LIMD1: variants seen among roughly 807,000 people sequenced by gnomAD.
LIMD1 encodes the protein LIM domain containing 1, also known as LIM domain-containing protein 1.
LIMD1 carries 23 observed loss-of-function variants against 58.4 expected under a neutral mutation model. That is an observed-to-expected ratio of 0.39 (90% CI 0.28 to 0.56). The LOEUF (loss-of-function observed/expected upper bound fraction) is 0.56, where lower values mean the gene tolerates loss of function less well. LIMD1 is among the 20% of genes least tolerant of loss of function. LIMD1 has a pLI of 0.57. For missense variants in LIMD1, 838 were observed against 855.5 expected, an observed-to-expected ratio of 0.98 and a Z score of 0.25; for synonymous variants, 334 against 345.5, an observed-to-expected ratio of 0.97 and a Z score of 0.37.
chr3:45,600,536 CCT>C (rs1396374438), intron 1 of LIMD1, among the ~76,000 whole-genome samples: 2 of 152,214 alleles, frequency 1.3e-5, no homozygotes, highest in African/African-American at 2.4e-5. Context: ...CTCCCCACCC[CCT>C]GTCCCCGTTG....
At chr3:45,622,285 T>C (rs531539936) in intron 1 of LIMD1, among the ~76,000 whole-genome samples, 6 of 152,164 alleles carry the variant, frequency 3.9e-5, no homozygotes, top group Non-Finnish European at 8.8e-5. Context: ...TTTTAAATTA[T>C]TTTCCTTAGG....
rs1458476406 is a variant in LIMD1, at chr3:45,594,866, C to A, written c.-14C>A. ...ACACGGCACCTGGGCTAGGCCCGGACACCTGTCTGCAGCATGGATAAGTAT... is the reference window on the plus strand; with the variant it reads ...ACACGGCACCTGGGCTAGGCCCGGAAACCTGTCTGCAGCATGGATAAGTAT... On this transcript the variant is annotated 5_prime_UTR_variant, in exon 1 of 8. Transcript: ENST00000273317. 1 of 1,590,458 alleles carries A rather than the reference C, an allele frequency of 6.3e-7. No individual in the cohort carries two copies. Among genetic ancestry groups the A allele is most frequent in the South Asian group, 1.1e-5 (1 of 87,908 alleles).
At chr3:45,642,424 G>T (rs1050453863) in intron 2 of LIMD1, among the ~76,000 whole-genome samples, 9 of 152,132 alleles carry the variant, frequency 5.9e-5, no homozygotes, top group Non-Finnish European at 1.0e-4. Flanking sequence ...CAGTCTGTCT[G>T]CCTTGGCGTC....
intron 1 of LIMD1, among the ~76,000 whole-genome samples, chr3:45,606,578 G>A (rs1031878792): frequency 6.6e-6 from 1 of 152,164 alleles, no homozygotes; most frequent in Non-Finnish European, 1.5e-5. Flanking sequence ...CCAGAGGCTC[G>A]GAGGCACATG....
At chr3:45,647,501 C>T (rs1428580724) in intron 2 of LIMD1, among the ~76,000 whole-genome samples, 1 of 152,182 alleles carries the variant, frequency 6.6e-6, no homozygotes, top group African/African-American at 2.4e-5. Context: ...CAGGCCCTTC[C>T]CTGTGTTCAG....
chr3:45,633,414 A>G (rs893022633), intron 1 of LIMD1, among the ~76,000 whole-genome samples: 6 of 152,326 alleles, frequency 3.9e-5, no homozygotes, highest in South Asian at 2.1e-4. Context: ...ACCCGGAAAA[A>G]AATAAGCCTA....
intron 1 of LIMD1, 74 bp from the exon 2 acceptor site, chr3:45,636,076 G>A: frequency 1.2e-6 from 2 of 1,602,930 alleles, no homozygotes; most frequent in Non-Finnish European, 1.7e-6. Flanking sequence ...ATTATGCTTT[G>A]TTCATTGGCT....
chr3:45,638,234 G>A (rs1701808836), intron 2 of LIMD1, among the ~76,000 whole-genome samples: 1 of 152,132 alleles, frequency 6.6e-6, no homozygotes, highest in African/African-American at 2.4e-5. Flanking sequence ...TTTGGCACAT[G>A]TTTGTGTTTT....
At chr3:45,618,112 C>T in intron 1 of LIMD1, among the ~76,000 whole-genome samples, 1 of 152,182 alleles carries the variant, frequency 6.6e-6, no homozygotes, top group East Asian at 1.9e-4. Context: ...CTCCAGTCAT[C>T]TCTGCCCCAC....
chr3:45,668,387 A>C (rs760788302), intron 4 of LIMD1, 31 bp downstream of exon 4: 16 of 1,540,326 alleles, frequency 1.0e-5, no homozygotes, highest in African/African-American at 1.4e-5. Flanking sequence ...AGAGAACAGC[A>C]TCTCAGGTGG....
At chr3:45,661,334 A>T (rs1697434611) in intron 2 of LIMD1, among the ~76,000 whole-genome samples, 1 of 152,196 alleles carries the variant, frequency 6.6e-6, no homozygotes, top group Admixed American at 6.5e-5. Flanking sequence ...GAGTGTGTTC[A>T]TAACTGTAAC....
At chr3:45,656,514 T>C (rs1166196924) in intron 2 of LIMD1, among the ~76,000 whole-genome samples, 5 of 151,616 alleles carry the variant, frequency 3.3e-5, no homozygotes, top group Non-Finnish European at 7.4e-5. Flanking sequence ...GTTTCCTTTT[T>C]CTTTTTCTTT....
chr3:45,616,114 A>G (rs1371522066), intron 1 of LIMD1, among the ~76,000 whole-genome samples: 1 of 151,890 alleles, frequency 6.6e-6, no homozygotes, highest in African/African-American at 2.4e-5. Flanking sequence ...TTTCTGGGAG[A>G]CTTGTGTCAC....
intron 2 of LIMD1, among the ~76,000 whole-genome samples, chr3:45,656,949 G>A (rs1697335559): frequency 6.6e-6 from 1 of 152,196 alleles, no homozygotes; most frequent in South Asian, 2.1e-4. Flanking sequence ...CCTGGCTGTG[G>A]TTTGGCACCA....
intron 1 of LIMD1, among the ~76,000 whole-genome samples, chr3:45,626,627 A>C (rs1423208213): frequency 6.6e-6 from 1 of 152,184 alleles, no homozygotes; most frequent in Admixed American, 6.5e-5. Flanking sequence ...TAGGGCAGTG[A>C]AATTAGTCTG....
At chr3:45,662,055 G>T (rs1417917251) in intron 2 of LIMD1, among the ~76,000 whole-genome samples, 1 of 152,152 alleles carries the variant, frequency 6.6e-6, no homozygotes, top group Admixed American at 6.5e-5. Context: ...ACTGTGCCTG[G>T]CAGCAATATT....
intron 4 of LIMD1, 53 bp from the exon 5 acceptor site, chr3:45,672,637 C>T (rs912252010): frequency 6.3e-7 from 1 of 1,599,372 alleles, no homozygotes; most frequent in Non-Finnish European, 8.5e-7. Context: ...CTCTCCCCTT[C>T]CACCATCTCA....
chr3:45,606,065 A>G (rs1039018614), intron 1 of LIMD1, among the ~76,000 whole-genome samples: 11 of 152,204 alleles, frequency 7.2e-5, no homozygotes, highest in Non-Finnish European at 1.5e-5. Context: ...AGACAGTTTT[A>G]CTAAAATTGG....
Position 45,682,164 on chromosome 3 carries a change from A to T in LIMD1, c.*5105A>T, listed in dbSNP as rs552280086. On this transcript the variant is annotated 3_prime_UTR_variant, in exon 8 of 8. Transcript: ENST00000273317. ...TCATAGCACCTTACACCAGAATAAA[A>T]GTTTTTTTTTTCTTTTTAAGTGATG... 2.0e-5 allele frequency: 3 copies of T among 151,952 alleles called. No homozygotes were observed. The highest frequency in any genetic ancestry group is 4.4e-5 in the Non-Finnish European group (3 of 68,022). 9.4% of individuals were successfully genotyped at this position (151,952 alleles called of 1,614,324 possible).
Sources: allele counts gnomAD v4.1 joint callset (sites outside exome capture counted in the v4.1 genomes callset), GRCh38; gene constraint gnomAD v4.1.1; transcripts MANE v1.5; gene names NCBI Gene and HGNC (gene_info 2026-07-23, HGNC 2026-07-21).